The following STXBP5L variants were observed in gnomAD, a reference collection of about 807,000 sequenced individuals.
STXBP5L encodes syntaxin binding protein 5L.
A neutral mutation model predicts 144.5 loss-of-function variants in STXBP5L; 65 were observed. The observed-to-expected ratio is 0.45, with a 90% CI of 0.37 to 0.55. The LOEUF (loss-of-function observed/expected upper bound fraction) is 0.55, where lower values mean the gene tolerates loss of function less well. Ranked by LOEUF, STXBP5L falls within the 20% of genes least tolerant of loss-of-function variation. The pLI is 0.00. For synonymous variants in STXBP5L, 505 were observed against 469.6 expected (o/e 1.08, Z -0.97); for missense variants, 1,298 against 1,405.5 (o/e 0.92, Z 1.22).
chr3:121,191,700 A>G (rs938280026), intron 9 of STXBP5L, among the ~76,000 whole-genome samples: 3 of 152,178 alleles, frequency 2.0e-5, no homozygotes, highest in Admixed American at 6.5e-5. Flanking sequence ...CTCCAACCCG[A>G]ATGTCCATCA....
intron 7 of STXBP5L, among the ~76,000 whole-genome samples, chr3:121,137,758 TTAGA>T (rs1182830895): frequency 1.3e-5 from 2 of 152,082 alleles, no homozygotes; most frequent in Non-Finnish European, 2.9e-5. Flanking sequence ...TTTCAGTAAA[TTAGA>T]TAGAAGGATT....
At chr3:121,295,664 A>G (rs1376357582) in intron 19 of STXBP5L, among the ~76,000 whole-genome samples, 2 of 152,160 alleles carry the variant, frequency 1.3e-5, no homozygotes. Context: ...CTCAACTAGG[A>G]ATAACATTGT....
chr3:121,228,595 G>A (rs1017361637), intron 11 of STXBP5L, among the ~76,000 whole-genome samples: 1 of 152,194 alleles, frequency 6.6e-6, no homozygotes, highest in Non-Finnish European at 1.5e-5. Context: ...AACCTTTGTT[G>A]GCTGGGTGCA....
At chr3:121,398,810 C>T (rs2046799101) in intron 22 of STXBP5L, among the ~76,000 whole-genome samples, 1 of 152,114 alleles carries the variant, frequency 6.6e-6, no homozygotes, top group Non-Finnish European at 1.5e-5. Flanking sequence ...GGAAAAGGCT[C>T]AAATGTAGCT....
At chr3:121,361,428 TG>T (rs1340736388) in intron 20 of STXBP5L, among the ~76,000 whole-genome samples, 2 of 152,194 alleles carry the variant, frequency 1.3e-5, no homozygotes, top group Non-Finnish European at 2.9e-5. Flanking sequence ...TTCTTAGGTT[TG>T]CCCTTTTGAG....
intron 22 of STXBP5L, among the ~76,000 whole-genome samples, chr3:121,383,553 T>G (rs1276089958): frequency 1.3e-5 from 2 of 152,088 alleles, no homozygotes; most frequent in Non-Finnish European, 2.9e-5. Flanking sequence ...TACACTCTAT[T>G]AATTTGTTGA....
chr3:121,159,387 T>G (rs1332281754), intron 9 of STXBP5L, among the ~76,000 whole-genome samples: 1 of 151,850 alleles, frequency 6.6e-6, no homozygotes, highest in Non-Finnish European at 1.5e-5. Context: ...AGGCTGGTCC[T>G]AAGCTTCTGG....
At chr3:121,090,611 T>C (rs994570747) in intron 5 of STXBP5L, among the ~76,000 whole-genome samples, 1 of 152,212 alleles carries the variant, frequency 6.6e-6, no homozygotes, top group South Asian at 2.1e-4. Flanking sequence ...TTTTAAAGTC[T>C]CTAAAGGAGG....
chr3:121,044,171 T>A (rs1187214537), intron 4 of STXBP5L, among the ~76,000 whole-genome samples: 1 of 152,186 alleles, frequency 6.6e-6, no homozygotes, highest in African/African-American at 2.4e-5. Context: ...TGAACATGTA[T>A]GTATGTAATT....
intron 2 of STXBP5L, among the ~76,000 whole-genome samples, chr3:120,936,821 G>A (rs541233171): frequency 3.9e-5 from 6 of 152,112 alleles, no homozygotes; most frequent in East Asian, 1.9e-4. Context: ...GATTACAGGC[G>A]TGAGCCACCA....
At chr3:121,013,651 G>A (rs1221180541) in intron 3 of STXBP5L, among the ~76,000 whole-genome samples, 1 of 151,950 alleles carries the variant, frequency 6.6e-6, no homozygotes, top group East Asian at 1.9e-4. Context: ...TTCTTTTGCT[G>A]TATGGAAGGT....
intron 7 of STXBP5L, among the ~76,000 whole-genome samples, chr3:121,127,212 A>G (rs1173279518): frequency 6.6e-6 from 1 of 152,108 alleles, no homozygotes; most frequent in African/African-American, 2.4e-5. Flanking sequence ...GCTGCTTATA[A>G]GGAGACCAAA....
Position 121,255,087 on chromosome 3 carries a change from G to T in STXBP5L, c.1634G>T (p.Arg545Ile). The T allele has an allele frequency of 1.3e-6, 2 of 1,594,552 alleles. No homozygotes were observed. The highest frequency in any genetic ancestry group is 1.1e-5 in the South Asian group (1 of 87,226). The change falls in exon 16 of 27, where the codon AGA (arginine) becomes ATA (isoleucine). Residue 545 changes from arginine to isoleucine, a missense_variant. Coordinates refer to ENST00000471454, the MANE Select transcript of STXBP5L (RefSeq NM_001308330.2). ...SAYVIIYKFSRHEITTEIVSL... is the reference protein window; with the variant it reads ...SAYVIIYKFSIHEITTEIVSL... ...TATGTCATAATTTATAAATTCAGCA[G>T]ACATGAAATTACAACAGAAATAGTG... is the stretch of plus-strand genomic sequence containing the variant.
At chr3:121,112,869 T>C (rs907605495) in intron 5 of STXBP5L, among the ~76,000 whole-genome samples, 13 of 152,202 alleles carry the variant, frequency 8.5e-5, no homozygotes, top group African/African-American at 2.9e-4. Context: ...AGGTATTGAC[T>C]AATCATATAT....
At chr3:121,054,608 A>T (rs1329207328) in intron 5 of STXBP5L, among the ~76,000 whole-genome samples, 11 of 89,524 alleles carry the variant, frequency 1.2e-4, no homozygotes, top group South Asian at 5.0e-4. Flanking sequence ...GGGAGGGGGG[A>T]GGGATAGCAT....
intron 5 of STXBP5L, among the ~76,000 whole-genome samples, chr3:121,096,984 G>T (rs1290977319): frequency 1.3e-5 from 2 of 152,184 alleles, no homozygotes; most frequent in African/African-American, 2.4e-5. Context: ...AGGGACATGG[G>T]GGTTTTGTCT....
At chr3:121,315,785 TG>T (rs2043764570) in intron 19 of STXBP5L, among the ~76,000 whole-genome samples, 2 of 152,004 alleles carry the variant, frequency 1.3e-5, no homozygotes, top group Non-Finnish European at 2.9e-5. Context: ...GCAGATCACT[TG>T]AGGTCAGGAG....
At chr3:121,414,754 C>T (rs1281078879) in intron 24 of STXBP5L, among the ~76,000 whole-genome samples, 1 of 152,082 alleles carries the variant, frequency 6.6e-6, no homozygotes, top group Non-Finnish European at 1.5e-5. Flanking sequence ...TGTAAGCTAC[C>T]TAAGGAATCT....
chr3:121,336,136 A>G (rs996099254), intron 20 of STXBP5L, among the ~76,000 whole-genome samples: 1 of 152,178 alleles, frequency 6.6e-6, no homozygotes, highest in African/African-American at 2.4e-5. Context: ...AAGAAGACAT[A>G]TATGTGGCCA....
Sources: allele counts gnomAD v4.1 joint callset (sites outside exome capture counted in the v4.1 genomes callset), GRCh38; gene constraint gnomAD v4.1.1; transcripts MANE v1.5; gene names NCBI Gene and HGNC (gene_info 2026-07-23, HGNC 2026-07-21).